TOGARAM2: variants seen among roughly 807,000 people sequenced by gnomAD.
The protein encoded by TOGARAM2 is TOG array regulator of axonemal microtubules protein 2.
Under a neutral mutation model 93.3 loss-of-function variants are expected in TOGARAM2, and 85 were observed. The ratio of observed to expected loss-of-function variants is 0.91; its 90% CI spans 0.76 to 1.09. The LOEUF is 1.09. Ranked by LOEUF, TOGARAM2 falls within the 50% of genes least tolerant of loss-of-function variation. The pLI is 0.00. For missense variants in TOGARAM2, 1,277 were observed against 1,334.5 expected, an observed-to-expected ratio of 0.96 and a Z score of 0.67; for synonymous variants, 593 against 552.8, an observed-to-expected ratio of 1.07 and a Z score of -1.02.
upstream of TOGARAM2, among the ~76,000 whole-genome samples, chr2:28,977,764 G>A (rs903102848): frequency 3.3e-5 from 5 of 152,214 alleles, no homozygotes; most frequent in East Asian, 1.9e-4. Context: ...TACAGTCAGC[G>A]GATGAGTGGT....
At chr2:29,023,247 C>A in intron 12 of TOGARAM2, 56 bp downstream of exon 12, 1 of 1,406,790 alleles carries the variant, frequency 7.1e-7, no homozygotes, top group Non-Finnish European at 9.8e-7. Flanking sequence ...CTGCTGGATG[C>A]AGTCCGCTAG....
chr2:29,007,631 C>T (rs1401485279), intron 6 of TOGARAM2, among the ~76,000 whole-genome samples: 4 of 152,168 alleles, frequency 2.6e-5, no homozygotes, highest in African/African-American at 9.7e-5. Flanking sequence ...TCCCCCGCCA[C>T]CTTGCACACC....
At chr2:28,999,155 G>C (rs200955570) in intron 3 of TOGARAM2, 26 bp from the exon 4 acceptor site, 562 of 1,583,194 alleles carry the variant, frequency 3.5e-4, no homozygotes, top group Non-Finnish European at 4.6e-4. Context: ...TGCGTGCCAA[G>C]CCATTCACAC....
chr2:28,995,515 A>T (rs1047386302), intron 2 of TOGARAM2, among the ~76,000 whole-genome samples: 3 of 151,694 alleles, frequency 2.0e-5, no homozygotes, highest in Admixed American at 6.6e-5. Flanking sequence ...ACACGGCAGA[A>T]CTCCCCGGGG....
At chr2:29,003,452 G>A in intron 5 of TOGARAM2, 40 bp from the exon 6 acceptor site, 1 of 1,412,372 alleles carries the variant, frequency 7.1e-7, no homozygotes, top group Non-Finnish European at 9.3e-7. Context: ...ACCATGGGAT[G>A]TTGCCATAGG....
chr2:29,022,723 G>A (rs1234405522), intron 11 of TOGARAM2, among the ~76,000 whole-genome samples: 1 of 152,146 alleles, frequency 6.6e-6, no homozygotes, highest in Non-Finnish European at 1.5e-5. Context: ...GCAATGCCTC[G>A]GCCTCCAGAA....
At chr2:29,022,774 C>T (rs1395974088) in intron 11 of TOGARAM2, among the ~76,000 whole-genome samples, 1 of 152,226 alleles carries the variant, frequency 6.6e-6, no homozygotes, top group Non-Finnish European at 1.5e-5. Context: ...CCTCCCTGTT[C>T]AAGTGCCTTT....
chr2:29,008,318 A>G (rs183480587), intron 6 of TOGARAM2, among the ~76,000 whole-genome samples: 65 of 151,544 alleles, frequency 4.3e-4, no homozygotes, highest in African/African-American at 1.5e-3. Flanking sequence ...GCCTGGCTAC[A>G]TTTTGTAATT....
In TOGARAM2 at chr2:29,051,910, C is replaced by G; in HGVS notation, c.2877C>G (p.Ser959Arg). ...IRGVVCRLSR[S>R]LQEHMGSRLL... ...GGGTGGTGTGCCGGCTGTCCAGGAG[C>G]CTCCAGGAGCACATGGGCTCCCGCC... The change falls in exon 20 of 20, where the codon AGC becomes AGG. Residue 959 changes from serine (S) to arginine (R), a missense_variant. Ser to Arg is a moderately radical substitution (Grantham distance 110). Coordinates refer to ENST00000379558, the MANE Select transcript of TOGARAM2 (RefSeq NM_199280.4). The G allele has an allele frequency of 6.3e-7, 1 of 1,590,648 alleles. No individual in the cohort carries two copies. Among genetic ancestry groups the G allele is most frequent in the Non-Finnish European group, 8.6e-7 (1 of 1,168,982 alleles).
At chr2:28,981,118 G>C (rs1439511739), upstream of TOGARAM2, among the ~76,000 whole-genome samples, 2 of 152,216 alleles carry the variant, frequency 1.3e-5, no homozygotes, top group East Asian at 1.9e-4. Flanking sequence ...AGGCAGGGGG[G>C]CCCAGTGCTC....
chr2:29,028,964 G>T (rs1277763826), intron 14 of TOGARAM2, among the ~76,000 whole-genome samples: 1 of 152,228 alleles, frequency 6.6e-6, no homozygotes. Context: ...AATAATAGAT[G>T]TTGGCGTGGA....
chr2:29,034,130 A>G (rs1227954244), intron 16 of TOGARAM2, among the ~76,000 whole-genome samples: 3 of 152,120 alleles, frequency 2.0e-5, no homozygotes, highest in Admixed American at 6.5e-5. Flanking sequence ...CCCCATGCCC[A>G]CTTCTTCAAA....
At chr2:29,032,115 C>G (rs1665801555) in intron 14 of TOGARAM2, among the ~76,000 whole-genome samples, 1 of 152,196 alleles carries the variant, frequency 6.6e-6, no homozygotes, top group African/African-American at 2.4e-5. Context: ...CTCCACACTG[C>G]TGCTAGAGAC....
chr2:29,001,870 T>A (rs1673320835), intron 4 of TOGARAM2, among the ~76,000 whole-genome samples: 2 of 146,032 alleles, frequency 1.4e-5, no homozygotes, highest in Non-Finnish European at 3.0e-5. Flanking sequence ...TTTTTTTTTT[T>A]ATTCCTCATC....
intron 1 of TOGARAM2, among the ~76,000 whole-genome samples, chr2:28,987,027 C>T (rs1672498845): frequency 1.3e-5 from 2 of 152,302 alleles, no homozygotes; most frequent in South Asian, 2.1e-4. Flanking sequence ...CTGCCACCTC[C>T]GTGAACAGAA....
At chr2:29,019,158 G>T (rs1246024012) in intron 10 of TOGARAM2, among the ~76,000 whole-genome samples, 4 of 146,654 alleles carry the variant, frequency 2.7e-5, no homozygotes, top group Non-Finnish European at 6.0e-5. Context: ...AACTATTGAT[G>T]TATATAACCC....
chr2:28,958,301 T>G (rs189054944), intron 1 of TOGARAM2, among the ~76,000 whole-genome samples: 139 of 152,016 alleles, frequency 9.1e-4, no homozygotes, highest in Non-Finnish European at 1.6e-3. Flanking sequence ...AGACCTTGTT[T>G]TTTTTTTTTT....
At chr2:28,983,355 T>G (rs1334232752) in intron 1 of TOGARAM2, among the ~76,000 whole-genome samples, 2 of 151,762 alleles carry the variant, frequency 1.3e-5, no homozygotes. Flanking sequence ...TATGTATGCA[T>G]TTCTAAACAC....
intron 7 of TOGARAM2, among the ~76,000 whole-genome samples, chr2:29,012,405 C>T (rs949015689): frequency 3.0e-4 from 45 of 152,228 alleles, no homozygotes; most frequent in African/African-American, 1.0e-3. Flanking sequence ...ACCTCTGCGG[C>T]AGCTGCTTCT....
Sources: allele counts gnomAD v4.1 joint callset (sites outside exome capture counted in the v4.1 genomes callset), GRCh38; gene constraint gnomAD v4.1.1; transcripts MANE v1.5; gene names NCBI Gene and HGNC (gene_info 2026-07-23, HGNC 2026-07-21).